The following SYT1 variants were observed in gnomAD, a reference collection of about 807,000 sequenced individuals.
SYT1 encodes synaptotagmin 1, also known as synaptotagmin-1.
In SYT1, 8 loss-of-function variants were observed where a neutral mutation model predicts 44.8. The observed-to-expected ratio is 0.18, with a 90% CI of 0.10 to 0.32. The LOEUF is 0.32. SYT1 is among the 10% of genes least tolerant of loss of function. SYT1 has a pLI of 1.00. For missense variants in SYT1, 286 were observed against 509.3 expected, an observed-to-expected ratio of 0.56 and a Z score of 4.22; for synonymous variants, 154 against 188.8, an observed-to-expected ratio of 0.82 and a Z score of 1.51.
chr12:79,368,996 T>C (rs925764392), intron 9 of SYT1, among the ~76,000 whole-genome samples: 5 of 152,204 alleles, frequency 3.3e-5, no homozygotes, highest in African/African-American at 1.2e-4. Context: ...TGAATGGTAA[T>C]GAGATGATAC....
chr12:79,015,887 G>T (rs1161325947), intron 2 of SYT1, among the ~76,000 whole-genome samples: 1 of 152,078 alleles, frequency 6.6e-6, no homozygotes, highest in East Asian at 1.9e-4. Context: ...AAAATCTGAG[G>T]TAAGGGGAGG....
intron 9 of SYT1, among the ~76,000 whole-genome samples, chr12:79,373,214 C>T (rs1883862728): frequency 6.6e-6 from 1 of 152,100 alleles, no homozygotes; most frequent in South Asian, 2.1e-4. Context: ...ACAATTTGTG[C>T]TTAACTAGCT....
chr12:78,923,050 G>A (rs530603907), intron 1 of SYT1, among the ~76,000 whole-genome samples: 2 of 152,052 alleles, frequency 1.3e-5, no homozygotes, highest in East Asian at 3.9e-4. Flanking sequence ...CACGATTGTG[G>A]TTGAATGTAA....
intron 9 of SYT1, among the ~76,000 whole-genome samples, chr12:79,377,134 C>T (rs746550855): frequency 1.8e-4 from 17 of 92,812 alleles, no homozygotes; most frequent in Non-Finnish European, 2.7e-4. Flanking sequence ...TTTTTTGAGA[C>T]AGAGTCTCGC....
intron 3 of SYT1, among the ~76,000 whole-genome samples, chr12:79,119,411 T>C (rs1565814539): frequency 6.6e-6 from 1 of 152,212 alleles, no homozygotes; most frequent in Non-Finnish European, 1.5e-5. Flanking sequence ...TTTACCGCTC[T>C]TCAGTTTTTT....
chr12:79,122,967 G>T (rs1008795508), intron 3 of SYT1, among the ~76,000 whole-genome samples: 5 of 152,140 alleles, frequency 3.3e-5, no homozygotes, highest in Non-Finnish European at 7.4e-5. Flanking sequence ...TGAAAATGAA[G>T]AATGATAATG....
chr12:79,016,560 G>T (rs1489737347), intron 2 of SYT1, among the ~76,000 whole-genome samples: 1 of 152,142 alleles, frequency 6.6e-6, no homozygotes, highest in African/African-American at 2.4e-5. Context: ...AAGGGCGCCA[G>T]TGTCAGAAAG....
intron 4 of SYT1, among the ~76,000 whole-genome samples, chr12:79,229,666 T>C (rs368753727): frequency 2.6e-5 from 4 of 151,996 alleles, no homozygotes; most frequent in African/African-American, 9.7e-5. Context: ...CAATCCCGGC[T>C]CACTACAACT....
intron 3 of SYT1, among the ~76,000 whole-genome samples, chr12:79,168,663 C>A (rs1467078780): frequency 6.6e-6 from 1 of 151,922 alleles, no homozygotes; most frequent in African/African-American, 2.4e-5. Context: ...GGAGCTTTGT[C>A]TTTGGAAATT....
At chr12:79,424,203 C>T (rs985927242) in intron 9 of SYT1, among the ~76,000 whole-genome samples, 2 of 152,018 alleles carry the variant, frequency 1.3e-5, no homozygotes, top group African/African-American at 4.8e-5. Context: ...TAACCCTCAG[C>T]CAGTTGCCTT....
At chr12:79,258,389 A>C (rs1294504899) in intron 4 of SYT1, among the ~76,000 whole-genome samples, 4 of 15,698 alleles carry the variant, frequency 2.5e-4, no homozygotes, top group Non-Finnish European at 6.1e-4. Flanking sequence ...CACTTTTGTA[A>C]ACTGAGAGTT....
intron 8 of SYT1, among the ~76,000 whole-genome samples, chr12:79,349,039 A>AAGAAAGAAAGCAAG (rs1882759080): frequency 7.1e-6 from 1 of 139,986 alleles, no homozygotes; most frequent in South Asian, 2.4e-4. Context: ...AAGAAAAAGA[A>AAGAAAGAAAGCAAG]AGAAAGAAAG....
At chr12:79,120,950 T>G (rs1012143820) in intron 3 of SYT1, among the ~76,000 whole-genome samples, 8 of 146,652 alleles carry the variant, frequency 5.5e-5, no homozygotes, top group Non-Finnish European at 7.5e-5. Flanking sequence ...TATATATATA[T>G]ATAGATATAT....
intron 5 of SYT1, among the ~76,000 whole-genome samples, chr12:79,288,224 A>C (rs765036970): frequency 1.3e-5 from 2 of 152,164 alleles, no homozygotes; most frequent in Non-Finnish European, 2.9e-5. Flanking sequence ...GTTTCATCAC[A>C]TGATGATCGC....
In SYT1 at chr12:79,150,620, G is replaced by A. The variant is rs189407851; in HGVS notation, c.-17-66883G>A. ...TGAACTGTCATAAAAGAAATTCCAA[G>A]TGAACATGATGAGGAGGGCACAAAA... is the stretch of plus-strand genomic sequence containing the variant. On this transcript the variant is annotated intron_variant, in intron 3 of 10. Coordinates refer to ENST00000261205, the MANE Select transcript of SYT1 (RefSeq NM_005639.3). 2.6e-5 allele frequency among the ~76,000 whole-genome samples: 4 copies of A among 152,238 alleles called. No individual in the cohort carries two copies. In the East Asian group the frequency reaches 7.7e-4, roughly 29 times the overall value.
intron 3 of SYT1, among the ~76,000 whole-genome samples, chr12:79,145,628 A>T (rs1869829754): frequency 6.6e-6 from 1 of 152,252 alleles, no homozygotes; most frequent in South Asian, 2.1e-4. Context: ...CTAGTTTTGC[A>T]AATGTGTAAA....
In SYT1 at chr12:79,229,558, A is replaced by G. The variant is rs139266544; in HGVS notation, c.166+11873A>G. On this transcript the variant is annotated intron_variant, in intron 4 of 10. Coordinates refer to ENST00000261205, the MANE Select transcript of SYT1 (RefSeq NM_005639.3). ...ACCATTAAAAACAATCCTATGGCAGAAAGTTCACCTAAAGCAGTAGGGTTT... is the reference window on the plus strand; with the variant it reads ...ACCATTAAAAACAATCCTATGGCAGGAAGTTCACCTAAAGCAGTAGGGTTT... Among the ~76,000 whole-genome samples, 276 of 152,068 alleles carry G rather than the reference A, an allele frequency of 1.8e-3. 2 individuals carry two copies. Among genetic ancestry groups the G allele is most frequent in the Non-Finnish European group, 3.2e-3 (220 of 67,988 alleles).
At chr12:79,329,151 T>C (rs1265702205) in intron 8 of SYT1, among the ~76,000 whole-genome samples, 2 of 152,124 alleles carry the variant, frequency 1.3e-5, no homozygotes, top group Non-Finnish European at 2.9e-5. Flanking sequence ...AAGCACAAGA[T>C]TCAGTGGACT....
At chr12:79,373,435 G>C (rs1047388041) in intron 9 of SYT1, among the ~76,000 whole-genome samples, 1 of 152,110 alleles carries the variant, frequency 6.6e-6, no homozygotes, top group African/African-American at 2.4e-5. Flanking sequence ...TTTGCTTTAT[G>C]AATGATAAAA....
Sources: allele counts gnomAD v4.1 joint callset (sites outside exome capture counted in the v4.1 genomes callset), GRCh38; gene constraint gnomAD v4.1.1; transcripts MANE v1.5; gene names NCBI Gene and HGNC (gene_info 2026-07-23, HGNC 2026-07-21).